Variants in ADAMTS9 observed in about 807,000 individuals in gnomAD.
ADAMTS9 encodes ADAM metallopeptidase with thrombospondin type 1 motif 9.
Under a neutral mutation model 257.1 loss-of-function variants are expected in ADAMTS9, and 107 were observed. The ratio of observed to expected loss-of-function variants is 0.42; its 90% confidence interval spans 0.36 to 0.49. The LOEUF is 0.49. Ranked by LOEUF, ADAMTS9 falls within the 20% of genes least tolerant of loss-of-function variation. The pLI is 0.03. For synonymous variants in ADAMTS9, 982 were observed against 880.9 expected, an observed-to-expected ratio of 1.11 and a Z score of -2.03; for missense variants, 2,353 against 2,469.1, an observed-to-expected ratio of 0.95 and a Z score of 1.00.
At chr3:64,530,666 T>C (rs1368313270) in intron 38 of ADAMTS9, among the ~76,000 whole-genome samples, 1 of 152,126 alleles carries the variant, frequency 6.6e-6, no homozygotes, top group Non-Finnish European at 1.5e-5. Context: ...TGGCTTTAAT[T>C]ATTTTTAGTT....
intron 38 of ADAMTS9, 80 bp downstream of exon 38, chr3:64,533,086 G>T: frequency 7.7e-7 from 1 of 1,306,460 alleles, no homozygotes; most frequent in Non-Finnish European, 1.1e-6. Context: ...TGCTCCTTCA[G>T]CACCACTACC....
At position 64,651,106 on chromosome 3, in the gene ADAMTS9, G is replaced by A; in HGVS notation, c.1374C>T (p.Pro458=). Residue 458 remains proline, a synonymous_variant, in exon 9 of 40, where the codon CCC becomes CCT. Transcript: ENST00000498707. ...TCAGTGTTGGAGCCATGACATGCTGGGGACTCTTAACTCCTTCTTCTTTAC... is the reference window on the plus strand; with the variant it reads ...TCAGTGTTGGAGCCATGACATGCTGAGGACTCTTAACTCCTTCTTCTTTAC... ...NKCKEEGVKS[P]QHVMAPTLNF... 2 of 1,606,068 alleles carry A rather than the reference G, an allele frequency of 1.2e-6. No individual in the cohort carries two copies. The highest frequency in any genetic ancestry group is 1.7e-6 in the Non-Finnish European group (2 of 1,177,270).
At chr3:64,577,275 T>C (rs2083879052) in intron 28 of ADAMTS9, among the ~76,000 whole-genome samples, 1 of 152,180 alleles carries the variant, frequency 6.6e-6, no homozygotes, top group South Asian at 2.1e-4. Context: ...CTCATGTGGG[T>C]AACAGGGCTC....
intron 10 of ADAMTS9, among the ~76,000 whole-genome samples, chr3:64,648,577 A>C (rs752130907): frequency 6.6e-5 from 10 of 152,258 alleles, no homozygotes; most frequent in Non-Finnish European, 1.5e-4. Context: ...ATCTTTCCTA[A>C]TTATTAAAAT....
chr3:64,615,210 A>G (rs2084738862), intron 21 of ADAMTS9, 111 bp downstream of exon 21: 6 of 1,264,988 alleles, frequency 4.7e-6, no homozygotes, highest in Non-Finnish European at 5.5e-6. Context: ...GACAAGGGAG[A>G]AAGGGAGAGG....
Position 64,687,383 on chromosome 3 carries a change from T to C in ADAMTS9, c.115+160A>G, listed in dbSNP as rs974931817. Among the ~76,000 whole-genome samples, 8 of 152,020 alleles carry C rather than the reference T, an allele frequency of 5.3e-5. No individual in the cohort carries two copies. The highest frequency in any genetic ancestry group is 1.0e-4 in the Non-Finnish European group (7 of 67,994). On this transcript the variant is annotated intron_variant, in intron 1 of 39. Transcript: ENST00000498707. This position sits in a 1 kb window ranked among gnomAD's most constrained non-coding sequence, Gnocchi z 4.4. ...TTCCATAGTGTCCCTCCCTAGCAAT[T>C]GGTTGGGGATGACCCAAAGAAGGGA... is the stretch of plus-strand genomic sequence containing the variant.
intron 38 of ADAMTS9, among the ~76,000 whole-genome samples, chr3:64,529,482 T>C (rs1486763587): frequency 1.3e-5 from 2 of 152,174 alleles, no homozygotes; most frequent in Non-Finnish European, 2.9e-5. Flanking sequence ...GAATGATTAT[T>C]TGAGAGCTGA....
At chr3:64,570,890 T>C (rs2083668314) in intron 28 of ADAMTS9, among the ~76,000 whole-genome samples, 3 of 151,950 alleles carry the variant, frequency 2.0e-5, no homozygotes, top group Non-Finnish European at 4.4e-5. Context: ...CAAAGATATA[T>C]TTATTTCTAG....
intron 9 of ADAMTS9, 79 bp from the exon 10 acceptor site, chr3:64,649,857 C>T (rs1700889871): frequency 6.7e-7 from 1 of 1,484,350 alleles, no homozygotes; most frequent in Non-Finnish European, 9.1e-7. Flanking sequence ...TAAAGGCCAC[C>T]CCACCATTGT....
intron 39 of ADAMTS9, chr3:64,521,764 A>C (rs2082855388): frequency 6.4e-6 from 1 of 155,478 alleles, no homozygotes; most frequent in Admixed American, 6.4e-5. Flanking sequence ...ATAAAGACTG[A>C]AATAATGGAC....
intron 29 of ADAMTS9, 33 bp downstream of exon 29, chr3:64,568,335 G>A: frequency 2.5e-6 from 4 of 1,580,360 alleles, no homozygotes; most frequent in Non-Finnish European, 3.4e-6. Flanking sequence ...CCAAACGTAA[G>A]GAAGCAGTCA....
rs1390628478 is a variant in ADAMTS9 at position 64,633,510 on chromosome 3, G to GT, written c.2136_2137insA (p.Gln713ThrfsTer5). 6.2e-7 allele frequency: 1 copy of GT among 1,614,066 alleles called. No individual in the cohort carries two copies. Among genetic ancestry groups the GT allele is most frequent in the Admixed American group, 1.7e-5 (1 of 60,008 alleles). ...TGGACACAGATATCATTTGTGTCCT[G>GT]GCCACAAGGAGTTCCATCTATCACT... On this transcript the variant is annotated frameshift_variant, in exon 14 of 40. Transcript: ENST00000498707. LOFTEE classifies it high-confidence loss of function.
intron 38 of ADAMTS9, among the ~76,000 whole-genome samples, chr3:64,527,598 A>C (rs2082926257): frequency 6.6e-6 from 1 of 152,182 alleles, no homozygotes; most frequent in African/African-American, 2.4e-5. Context: ...TCAAGATTAC[A>C]TGCAATGAAA....
At chr3:64,676,263 C>CT (rs1461743364) in intron 3 of ADAMTS9, among the ~76,000 whole-genome samples, 3 of 152,180 alleles carry the variant, frequency 2.0e-5, no homozygotes, top group African/African-American at 7.2e-5. Flanking sequence ...TGTGGCTTGG[C>CT]TATTGGTCTC....
At chr3:64,532,974 G>T (rs567713291) in intron 38 of ADAMTS9, among the ~76,000 whole-genome samples, 192 bp downstream of exon 38, 1 of 152,080 alleles carries the variant, frequency 6.6e-6, no homozygotes, top group Non-Finnish European at 1.5e-5. Context: ...AGTGAACAAG[G>T]CTCTCACACT....
At chr3:64,654,256 C>G (rs1701001432) in intron 8 of ADAMTS9, 97 bp downstream of exon 8, 1 of 1,233,560 alleles carries the variant, frequency 8.1e-7, no homozygotes, top group Non-Finnish European at 1.2e-6. Flanking sequence ...CGGGAAGTCT[C>G]TTACACACTC....
chr3:64,526,328 A>G (rs2082909923), intron 38 of ADAMTS9, among the ~76,000 whole-genome samples: 1 of 152,108 alleles, frequency 6.6e-6, no homozygotes, highest in Non-Finnish European at 1.5e-5. Flanking sequence ...TAAAAATACC[A>G]AAGAAAGAAA....
At chr3:64,528,783 T>G (rs2082941748) in intron 38 of ADAMTS9, among the ~76,000 whole-genome samples, 1 of 152,224 alleles carries the variant, frequency 6.6e-6, no homozygotes, top group Admixed American at 6.5e-5. Context: ...TTTACATTTT[T>G]ATTTCATTTA....
At chr3:64,529,499 G>T (rs886739744) in intron 38 of ADAMTS9, among the ~76,000 whole-genome samples, 7 of 152,284 alleles carry the variant, frequency 4.6e-5, no homozygotes, top group Middle Eastern at 3.4e-3. Flanking sequence ...CTGAAACAGG[G>T]CTATTTGGAA....
Sources: gnomAD v4.1 joint callset for allele counts (sites outside exome capture counted in the v4.1 genomes callset) on GRCh38, gnomAD v4.1.1 for gene constraint, Gnocchi (gnomAD v3.1) non-coding constraint, MANE v1.5 for transcripts, NCBI Gene and HGNC (gene_info 2026-07-23, HGNC 2026-07-21) for gene names.